CNTNAP4: variants seen among roughly 807,000 people sequenced by gnomAD.
CNTNAP4 encodes contactin associated protein family member 4.
CNTNAP4 carries 98 observed loss-of-function variants against 148.4 expected under a neutral mutation model. The observed-to-expected ratio is 0.66, with a 90% confidence interval of 0.56 to 0.78. The LOEUF (loss-of-function observed/expected upper bound fraction) is 0.78. Ranked by LOEUF, CNTNAP4 falls within the 30% of genes least tolerant of loss-of-function variation. The probability of loss-of-function intolerance (pLI) is 0.00; values close to 1 mark genes in which losing one functional copy is unlikely to be tolerated. For missense variants in CNTNAP4, 1,935 were observed against 1,565.6 expected, an observed-to-expected ratio of 1.24 and a Z score of -3.98; for synonymous variants, 730 against 565.1, an observed-to-expected ratio of 1.29 and a Z score of -4.14.
At chr16:76,282,218 T>C (rs1958715926) in intron 1 of CNTNAP4, among the ~76,000 whole-genome samples, 1 of 151,900 alleles carries the variant, frequency 6.6e-6, no homozygotes, top group South Asian at 2.1e-4. Flanking sequence ...AATGTTTCCT[T>C]GTATGTTTTT....
chr16:76,492,451 T>C (rs2082255967), intron 13 of CNTNAP4, among the ~76,000 whole-genome samples: 1 of 152,132 alleles, frequency 6.6e-6, no homozygotes, highest in Non-Finnish European at 1.5e-5. Context: ...GTTATCAAAG[T>C]TGACAAAGAA....
chr16:76,338,505 A>T (rs574320802), intron 2 of CNTNAP4, among the ~76,000 whole-genome samples: 2 of 152,244 alleles, frequency 1.3e-5, no homozygotes, highest in East Asian at 3.9e-4. Context: ...GTGGCCTTCC[A>T]GTGTCCCACC....
At chr16:76,518,247 C>T (rs776397891) in intron 15 of CNTNAP4, among the ~76,000 whole-genome samples, 8 of 152,102 alleles carry the variant, frequency 5.3e-5, no homozygotes, top group Non-Finnish European at 1.2e-4. Context: ...CCTGCCTCAG[C>T]CTCCTAAGTA....
At chr16:76,427,431 C>T (rs778452657) in intron 3 of CNTNAP4, 21 bp from the exon 4 acceptor site, 5 of 1,594,532 alleles carry the variant, frequency 3.1e-6, no homozygotes, top group Non-Finnish European at 4.3e-6. Context: ...CATTGATGTG[C>T]TTCTTTCCCT....
At chr16:76,332,193 C>A (rs1243119222) in intron 2 of CNTNAP4, among the ~76,000 whole-genome samples, 2 of 150,374 alleles carry the variant, frequency 1.3e-5, no homozygotes, top group Admixed American at 6.6e-5. Flanking sequence ...TTGGGTTTAT[C>A]TGGCTTTGTG....
intron 17 of CNTNAP4, among the ~76,000 whole-genome samples, chr16:76,522,649 T>C (rs71394264): frequency 0.14 from 12,393 of 87,848 alleles, 2,427 homozygotes; most frequent in Non-Finnish European, 0.16. Flanking sequence ...TTCTTTCTTT[T>C]CTCTCTTTCT....
intron 8 of CNTNAP4, among the ~76,000 whole-genome samples, chr16:76,453,933 A>C (rs1183009869): frequency 6.6e-6 from 1 of 152,128 alleles, no homozygotes; most frequent in Non-Finnish European, 1.5e-5. Context: ...ATTAATAATT[A>C]ATAGGCCCTG....
At chr16:76,329,948 C>T (rs1963357593) in intron 2 of CNTNAP4, among the ~76,000 whole-genome samples, 2 of 152,260 alleles carry the variant, frequency 1.3e-5, no homozygotes, top group South Asian at 4.1e-4. Flanking sequence ...TTGTACATGT[C>T]CTCCTTAAAT....
chr16:76,486,361 C>T (rs2082025634), intron 12 of CNTNAP4, among the ~76,000 whole-genome samples: 1 of 151,970 alleles, frequency 6.6e-6, no homozygotes, highest in Non-Finnish European at 1.5e-5. Context: ...ACAACCAGTT[C>T]GAAGGAGAAT....
chr16:76,445,685 C>T (rs1009242305), intron 4 of CNTNAP4, among the ~76,000 whole-genome samples: 1 of 150,806 alleles, frequency 6.6e-6, no homozygotes, highest in Non-Finnish European at 1.5e-5. Flanking sequence ...ATAACAGCAG[C>T]GAAAAAGAAA....
chr16:76,323,011 T>C (rs1962589516), intron 2 of CNTNAP4, among the ~76,000 whole-genome samples: 1 of 151,698 alleles, frequency 6.6e-6, no homozygotes, highest in African/African-American at 2.4e-5. Flanking sequence ...ATTTTTTTTG[T>C]TGTTGTTGTA....
At chr16:76,480,321 A>G (rs1191405469) in intron 12 of CNTNAP4, among the ~76,000 whole-genome samples, 1 of 152,210 alleles carries the variant, frequency 6.6e-6, no homozygotes, top group East Asian at 1.9e-4. Context: ...ATTAGAAAAT[A>G]AACTTTTAGG....
At chr16:76,488,924 A>G (rs1346329001) in intron 12 of CNTNAP4, among the ~76,000 whole-genome samples, 1 of 152,212 alleles carries the variant, frequency 6.6e-6, no homozygotes, top group East Asian at 1.9e-4. Context: ...TGATAACTCT[A>G]GTAGATACTC....
chr16:76,319,019 A>G (rs368469648), intron 2 of CNTNAP4, among the ~76,000 whole-genome samples: 1 of 152,090 alleles, frequency 6.6e-6, no homozygotes, highest in Non-Finnish European at 1.5e-5. Context: ...CTTATTTTCC[A>G]TCTGTGGGAT....
At chr16:76,392,808 A>C (rs2078074683) in intron 3 of CNTNAP4, among the ~76,000 whole-genome samples, 1 of 152,174 alleles carries the variant, frequency 6.6e-6, no homozygotes, top group South Asian at 2.1e-4. Flanking sequence ...GCACAGATTC[A>C]TTTCTTGTGC....
intron 2 of CNTNAP4, among the ~76,000 whole-genome samples, chr16:76,324,138 T>A (rs1962718898): frequency 6.6e-6 from 1 of 152,160 alleles, no homozygotes; most frequent in African/African-American, 2.4e-5. Flanking sequence ...TAAGTTTTCC[T>A]CAAACAAGAT....
intron 3 of CNTNAP4, among the ~76,000 whole-genome samples, chr16:76,420,646 C>T (rs904654602): frequency 6.6e-6 from 1 of 151,726 alleles, no homozygotes; most frequent in African/African-American, 2.4e-5. Flanking sequence ...TGTCCCTAAC[C>T]CCATGAAAGC....
intron 3 of CNTNAP4, among the ~76,000 whole-genome samples, chr16:76,375,133 A>G (rs2015289767): frequency 6.6e-6 from 1 of 152,138 alleles, no homozygotes; most frequent in Admixed American, 6.5e-5. Flanking sequence ...ATTTAAAGGC[A>G]CGTATTTACT....
intron 1 of CNTNAP4, among the ~76,000 whole-genome samples, chr16:76,288,245 C>T (rs1435316539): frequency 2.0e-5 from 3 of 151,992 alleles, no homozygotes; most frequent in African/African-American, 2.4e-5. Context: ...TGCCTTCTGC[C>T]GTGATTTTAA....
Sources: allele counts gnomAD v4.1 joint callset (sites outside exome capture counted in the v4.1 genomes callset), GRCh38; gene constraint gnomAD v4.1.1; transcripts MANE v1.5; gene names NCBI Gene and HGNC (gene_info 2026-07-23, HGNC 2026-07-21).